The following TTN variants were observed in gnomAD, a reference collection of about 807,000 sequenced individuals.
TTN encodes titin.
Under a neutral mutation model 3,223.0 loss-of-function variants are expected in TTN, and 1,525 were observed. The ratio of observed to expected loss-of-function variants is 0.47; its 90% CI spans 0.45 to 0.49. TTN has a LOEUF of 0.49. TTN is among the 20% of genes least tolerant of loss of function. The pLI is 0.00. For missense variants in TTN, 40,786 were observed against 43,424.0 expected, an observed-to-expected ratio of 0.94 and a Z score of 5.40; for synonymous variants, 14,094 against 15,161.0, an observed-to-expected ratio of 0.93 and a Z score of 5.17.
Position 178,651,665 on chromosome 2 carries a change from C to T in TTN, c.39463+1G>A, listed in dbSNP as rs1553770003. ...AGGGAGTTAGTGGCAGTGAGGAATA[C>T]CTTTCACTGGTGGTAGTTCAGGTTT... On this transcript the variant is annotated splice_donor_variant, in intron 206 of 362. Coordinates refer to ENST00000589042, the MANE Select transcript of TTN (RefSeq NM_001267550.2). LOFTEE classifies it high-confidence loss of function. 1 of 1,613,202 alleles carries T rather than the reference C, an allele frequency of 6.2e-7. No homozygotes were observed. The highest frequency in any genetic ancestry group is 1.1e-5 in the South Asian group (1 of 91,046).
chr2:178,722,062 A>C lies in TTN; in HGVS notation c.22601T>G (p.Phe7534Cys). 6.2e-7 allele frequency: 1 copy of C among 1,612,262 alleles called. No homozygotes were observed. Among genetic ancestry groups the C allele is most frequent in the Non-Finnish European group, 8.5e-7 (1 of 1,178,964 alleles). The change falls in exon 78 of 363, where the codon TTT (phenylalanine) becomes TGT (cysteine). Residue 7534 changes from phenylalanine (F) to cysteine (C), a missense_variant. Phe to Cys is a radical substitution (Grantham distance 205). Coordinates refer to ENST00000589042, the MANE Select transcript of TTN (RefSeq NM_001267550.2). ...IDVIAGESAD[F>C]ECHVTGAQPM... Reference sequence around the variant, plus strand: ...TTGAGCACCAGTAACATGACACTCAAAATCAGCACTTTCTCCAGCAATAAC... The same window carrying C: ...TTGAGCACCAGTAACATGACACTCACAATCAGCACTTTCTCCAGCAATAAC...
Position 178,718,887 on chromosome 2 carries a change from G to A in TTN, c.24313C>T (p.Pro8105Ser). ...TTAAACCACTTGACCTTGAAAGGAG[G>A]GGTGCCTCTGATGACACTGGTGAAT... is the stretch of plus-strand genomic sequence containing the variant. ...LTFTSVIRGTPPFKVKWFKGS... is the reference protein window; with the variant it reads ...LTFTSVIRGTSPFKVKWFKGS... The change falls in exon 84 of 363, where the codon CCT becomes TCT. Residue 8105 changes from proline to serine, a missense_variant. Transcript: ENST00000589042. The A allele has an allele frequency of 6.2e-7, 1 of 1,613,542 alleles. No individual in the cohort carries two copies. Among genetic ancestry groups the A allele is most frequent in the Non-Finnish European group, 8.5e-7 (1 of 1,179,698 alleles).
chr2:178,735,003 C>CA lies in TTN; in HGVS notation c.14936-16dup. The CA allele has an allele frequency of 6.7e-7, 1 of 1,495,744 alleles. No homozygotes were observed. The highest frequency in any genetic ancestry group is 8.9e-7 in the Non-Finnish European group (1 of 1,122,300). The allele number at this position is 1,495,744 out of a possible 1,614,324, so 92.7% of individuals were successfully genotyped here. A position where few individuals can be genotyped will look rare whatever the true frequency, so the allele number is the denominator to read the frequency against. On this transcript the variant is annotated splice_polypyrimidine_tract_variant and intron_variant, in intron 50 of 362. Coordinates refer to ENST00000589042, the MANE Select transcript of TTN (RefSeq NM_001267550.2). ...GGATGGTGGCTCTACATGAAGTTTA[C>CA]AAAAAAGAAAAAGGAGAAGATATCT...
In TTN at chr2:178,653,443, T is replaced by G. The variant is rs554529099; in HGVS notation, c.38691A>C (p.Glu12897Asp). ...KKTLVLPKKPEVPPVTVPEAP... is the reference protein window; with the variant it reads ...KKTLVLPKKPDVPPVTVPEAP... ...GACAAGTACCTGTAACAGGTGGAAC[T>G]TCTGGCTTTTTAGGAAGCACCAGTG... is the stretch of plus-strand genomic sequence containing the variant. Residue 12897 changes from glutamate (E) to aspartate (D), a missense_variant, in exon 197 of 363, where the codon GAA (glutamate) becomes GAC (aspartate). Glu to Asp is a conservative substitution (Grantham distance 45). Transcript: ENST00000589042. 3 of 1,578,868 alleles carry G rather than the reference T, an allele frequency of 1.9e-6. No individual in the cohort carries two copies. The highest frequency in any genetic ancestry group is 1.1e-5 in the South Asian group (1 of 87,454).
intron 286 of TTN, 38 bp from the exon 287 acceptor site, chr2:178,601,602 A>G: frequency 6.3e-7 from 1 of 1,584,722 alleles, no homozygotes; most frequent in Non-Finnish European, 8.6e-7. Context: ...AACGTTCCTT[A>G]AATGCTTAAA....
Position 178,724,392 on chromosome 2 carries a change from T to C in TTN, c.20983A>G (p.Lys6995Glu). ...GKLLTSSQKH[K>E]FSFYNKISSL... ...GAGATTTTGTTGTAGAAGCTAAATTTGTGTTTTTGGCTGCTGGTCAACAGC... is the reference window on the plus strand; with the variant it reads ...GAGATTTTGTTGTAGAAGCTAAATTCGTGTTTTTGGCTGCTGGTCAACAGC... Residue 6995 changes from lysine to glutamate, a missense_variant, in exon 72 of 363, where the codon AAA becomes GAA. Coordinates refer to ENST00000589042, the MANE Select transcript of TTN (RefSeq NM_001267550.2). 1 of 1,613,566 alleles carries C rather than the reference T, an allele frequency of 6.2e-7. No individual in the cohort carries two copies. Among genetic ancestry groups the C allele is most frequent in the Non-Finnish European group, 8.5e-7 (1 of 1,179,608 alleles).
Position 178,776,778 on chromosome 2 carries a change from C to T in TTN, c.5086G>A (p.Asp1696Asn), listed in dbSNP as rs181958102. The change falls in exon 28 of 363, where the codon GAC becomes AAC. Residue 1696 changes from aspartate to asparagine, a missense_variant. Transcript: ENST00000589042. ...AATGGTTTCTGTTGTTTCTCTTTGTCATAGAGATCACCTTCTTCCCATTGC... is the reference window on the plus strand; with the variant it reads ...AATGGTTTCTGTTGTTTCTCTTTGTTATAGAGATCACCTTCTTCCCATTGC... ...QEQWEEGDLYDKEKQQKPFFK... is the reference protein window; with the variant it reads ...QEQWEEGDLYNKEKQQKPFFK... 3 of 1,614,130 alleles carry T rather than the reference C, an allele frequency of 1.9e-6. No individual in the cohort carries two copies. Among genetic ancestry groups the T allele is most frequent in the East Asian group, 2.2e-5 (1 of 44,862 alleles).
chr2:178,576,587 T>C lies in TTN; in HGVS notation c.69657A>G (p.Arg23219=), dbSNP rs754933980. The stretch of plus-strand genomic sequence containing the variant: ...CCTCACTGGGTGGACCAATTCCTGC[T>C]CTGTTTTCTGCACTGACACGGAATT... ...TYEFRVSAEN[R]AGIGPPSEAS... Residue 23219 remains arginine (R), a synonymous_variant, in exon 325 of 363, where the codon AGA becomes AGG. Transcript: ENST00000589042. The surrounding 1 kb of genome is among the most constrained non-coding windows in gnomAD (Gnocchi z 4.3). 17 of 1,613,614 alleles carry C rather than the reference T, an allele frequency of 1.1e-5. No homozygotes were observed. In the East Asian group the frequency reaches 3.8e-4, roughly 36 times the overall value.
At chr2:178,760,331 A>T (rs1414309904) in intron 43 of TTN, among the ~76,000 whole-genome samples, 2 of 152,148 alleles carry the variant, frequency 1.3e-5, no homozygotes, top group Non-Finnish European at 2.9e-5. Flanking sequence ...GGAGTTCGAG[A>T]ACAGCCTGAC....
chr2:178,641,164 T>C, intron 220 of TTN, 77 bp downstream of exon 220: 2 of 992,804 alleles, frequency 2.0e-6, no homozygotes, highest in East Asian at 2.7e-5. Context: ...ACTTCATTTA[T>C]GTTTACAAGA....
rs1704855362 is a variant in TTN at position 178,564,342 on chromosome 2, T to C, written c.81790A>G (p.Ile27264Val). The C allele has an allele frequency of 1.2e-6, 2 of 1,613,640 alleles. No individual in the cohort carries two copies. Residue 27264 changes from isoleucine (I) to valine (V), a missense_variant, in exon 326 of 363, where the codon ATT becomes GTT. By Grantham distance (29) the Ile-to-Val change is conservative (BLOSUM62 3). Coordinates refer to ENST00000589042, the MANE Select transcript of TTN (RefSeq NM_001267550.2). ...GCATCAATTTCATCTCTTGCAGTAA[T>C]GGCACCACTACTATCAGATGGTTCA... Reference protein sequence around the residue: ...FSEPSDSSGAITARDEIDAPN... With the variant: ...FSEPSDSSGAVTARDEIDAPN...
rs1688850382 is a variant in TTN, at chr2:178,530,945, T to A, written c.105670A>T (p.Thr35224Ser). ...GGTGGTGATGTCACAGCCTTTTCAG[T>A]TACCCTGGCCTTTTGAATAGTCAGA... ...FTLTIQKARV[T>S]EKAVTSPPRV... The change falls in exon 358 of 363, where the codon ACT becomes TCT. Residue 35224 changes from threonine to serine, a missense_variant. Thr to Ser is a moderately conservative substitution (Grantham distance 58). Coordinates refer to ENST00000589042, the MANE Select transcript of TTN (RefSeq NM_001267550.2). 1 of 1,614,014 alleles carries A rather than the reference T, an allele frequency of 6.2e-7. No individual in the cohort carries two copies. Among genetic ancestry groups the A allele is most frequent in the Non-Finnish European group, 8.5e-7 (1 of 1,179,888 alleles).
intron 47 of TTN, chr2:178,746,287 A>T: frequency 2.5e-6 from 4 of 1,611,968 alleles, no homozygotes; most frequent in Non-Finnish European, 3.4e-6. Flanking sequence ...CTTCTAAATC[A>T]ATTTTTAGTT....
chr2:178,717,171 G>A lies in TTN; in HGVS notation c.25563C>T (p.Gly8521=), dbSNP rs556205722. 1.7e-4 allele frequency: 272 copies of A among 1,613,606 alleles called. No individual in the cohort carries two copies. Among genetic ancestry groups the A allele is most frequent in the East Asian group, 6.7e-4 (30 of 44,856 alleles). Residue 8521 remains glycine (G), a synonymous_variant, in exon 88 of 363, where the codon GGC becomes GGT. Transcript: ENST00000589042. ...CATAGCAGGTGTACTGCCCGGCATCGCCTTTGCCTACTTTGAGAACTGTCA... is the reference window on the plus strand; with the variant it reads ...CATAGCAGGTGTACTGCCCGGCATCACCTTTGCCTACTTTGAGAACTGTCA... ...ATLTVLKVGK[G]DAGQYTCYAS...
rs559227456 is a variant in TTN, at chr2:178,707,176, A to G, written c.29042-222T>C. Among the ~76,000 whole-genome samples, 4 of 152,304 alleles carry G rather than the reference A, an allele frequency of 2.6e-5. No homozygotes were observed. In the South Asian group the frequency reaches 8.3e-4, roughly 32 times the overall value. On this transcript the variant is annotated intron_variant, in intron 100 of 362. Coordinates refer to ENST00000589042, the MANE Select transcript of TTN (RefSeq NM_001267550.2). ...AACTATAATCATATTAGTAGTGTCAATATTTTTAGACTTGGTTTTATTTTT... is the reference window on the plus strand; with the variant it reads ...AACTATAATCATATTAGTAGTGTCAGTATTTTTAGACTTGGTTTTATTTTT...
intron 12 of TTN, among the ~76,000 whole-genome samples, 161 bp downstream of exon 12, chr2:178,789,817 G>C (rs1280056557): frequency 6.6e-6 from 1 of 152,148 alleles, no homozygotes; most frequent in Non-Finnish European, 1.5e-5. Context: ...CAAATGTGCA[G>C]ATAAAATTAA....
Position 178,575,808 on chromosome 2 carries a change from G to A in TTN, c.70324C>T (p.Leu23442=). 1.9e-6 allele frequency: 3 copies of A among 1,613,166 alleles called. No homozygotes were observed. Among genetic ancestry groups the A allele is most frequent in the Non-Finnish European group, 1.7e-6 (2 of 1,179,294 alleles). The part of the protein sequence containing the change: ...VLDTPGPVLN[L]RPTDITKDSV... ...TCCTTTGTGATGTCTGTAGGCCGCA[G>A]GTTGAGGACTGGGCCTGGCGTGTCC... Residue 23442 remains leucine, a synonymous_variant, in exon 326 of 363, where the codon CTG becomes TTG. Transcript: ENST00000589042. The surrounding 1 kb of genome is among the most constrained non-coding windows in gnomAD (Gnocchi z 4.0).
Position 178,659,048 on chromosome 2 carries a change from C to A in TTN, c.37410G>T (p.Val12470=). ...CCGGTTTGGGAGGAATAGCTTCAGG[C>A]ACCTTCTTTTCTGGGACAGCTGCCT... ...VPKAAVPEKK[V]PEAIPPKPES... Residue 12470 remains valine (V), a synonymous_variant, in exon 182 of 363, where the codon GTG becomes GTT. Coordinates refer to ENST00000589042, the MANE Select transcript of TTN (RefSeq NM_001267550.2). 1 of 947,254 alleles carries A rather than the reference C, an allele frequency of 1.1e-6. No individual in the cohort carries two copies. The highest frequency in any genetic ancestry group is 2.6e-5 in the East Asian group (1 of 37,934). 58.7% of individuals were successfully genotyped at this position (947,254 alleles called of 1,614,324 possible).
Position 178,572,202 on chromosome 2 carries a change from C to T in TTN, c.73930G>A (p.Gly24644Arg), listed in dbSNP as rs1553606142. 1.2e-6 allele frequency: 2 copies of T among 1,613,350 alleles called. No individual in the cohort carries two copies. The highest frequency in any genetic ancestry group is 1.7e-6 in the Non-Finnish European group (2 of 1,179,632). Residue 24644 changes from glycine (G) to arginine (R), a missense_variant, in exon 326 of 363, where the codon GGA (glycine) becomes AGA (arginine). Coordinates refer to ENST00000589042, the MANE Select transcript of TTN (RefSeq NM_001267550.2). ...ATGTAGCCTAGAATTCGGCTGCCTC[C>T]ATCATGCTCTGGTTTCTCCCAAGAG... The part of the protein sequence containing the change: ...SLSWEKPEHD[G>R]GSRILGYIVE...
Sources: allele counts gnomAD v4.1 joint callset (sites outside exome capture counted in the v4.1 genomes callset), GRCh38; gene constraint gnomAD v4.1.1; non-coding constraint Gnocchi (gnomAD v3.1); transcripts MANE v1.5; gene names NCBI Gene and HGNC (gene_info 2026-07-23, HGNC 2026-07-21).